ATRX: variants seen among roughly 807,000 people sequenced by gnomAD.
The protein encoded by ATRX is ATRX chromatin remodeler, also known as chromatin remodeler ATRX.
A neutral mutation model predicts 172.6 loss-of-function variants in ATRX; 12 were observed. That is an observed-to-expected ratio of 0.07 (90% confidence interval 0.04 to 0.11). The LOEUF (loss-of-function observed/expected upper bound fraction) is 0.11. Ranked by LOEUF, ATRX falls within the 10% of genes least tolerant of loss-of-function variation. The pLI is 1.00. For missense variants in ATRX, 1,368 were observed against 1,767.4 expected (o/e 0.77, Z 4.05); for synonymous variants, 674 against 594.7 (o/e 1.13, Z -1.94).
At chrX:77,715,006 C>G (rs1304084185) in intron 2 of ATRX, among the ~76,000 whole-genome samples, 1 of 111,777 alleles carries the variant, frequency 8.9e-6, no homozygotes, top group Non-Finnish European at 1.9e-5. Context: ...TATTTTCTTT[C>G]TCATTTCAGA....
At chrX:77,785,638 G>C (rs934344219) in intron 1 of ATRX, among the ~76,000 whole-genome samples, 2 of 95,001 alleles carry the variant, frequency 2.1e-5, no homozygotes, top group Non-Finnish European at 4.1e-5. Flanking sequence ...AAAAATGACC[G>C]GGATACCAAA....
intron 28 of ATRX, among the ~76,000 whole-genome samples, chrX:77,563,923 T>TCTGAAGG (rs1194685990): frequency 2.7e-5 from 3 of 110,383 alleles, no homozygotes; most frequent in Non-Finnish European, 5.7e-5. Flanking sequence ...TCTGTCTGAG[T>TCTGAAGG]CTGAAGGCTG....
intron 30 of ATRX, among the ~76,000 whole-genome samples, chrX:77,556,254 GGA>G (rs1340170768): frequency 4.3e-5 from 2 of 46,305 alleles, no homozygotes; most frequent in African/African-American, 8.8e-5. Context: ...AGGGAGAGAG[GGA>G]GAGAGGGAGA....
rs782449661 is a variant in ATRX at position 77,682,778 on chromosome X, C to G, written c.2478G>C (p.Lys826Asn). The G allele has an allele frequency of 4.1e-6, 5 of 1,208,246 alleles. No homozygotes were observed. The highest frequency in any genetic ancestry group is 5.6e-6 in the Non-Finnish European group (5 of 894,667). The change falls in exon 9 of 35, where the codon AAG (lysine) becomes AAC (asparagine). Residue 826 changes from lysine (K) to asparagine (N), a missense_variant. Physicochemically the swap from Lys to Asn is moderately conservative, Grantham distance 94. This residue lies in a region of ATRX where 843 missense variants were observed against 643.1 expected (regional missense o/e 1.31). Transcript: ENST00000373344. Reference protein sequence around the residue: ...NYDSELEKEIKSMSKIGAART... With the variant: ...NYDSELEKEINSMSKIGAART... Reference sequence around the variant, plus strand: ...TGGCAGCACCAATTTTACTCATGCTCTTTATCTCTTTTTCTAATTCTGAGT... The same window carrying G: ...TGGCAGCACCAATTTTACTCATGCTGTTTATCTCTTTTTCTAATTCTGAGT...
chrX:77,573,085 T>G (rs1459860366), intron 28 of ATRX, among the ~76,000 whole-genome samples: 2 of 112,391 alleles, frequency 1.8e-5, no homozygotes, highest in Non-Finnish European at 3.8e-5. Context: ...TACGTATGCG[T>G]ATGTGCATAT....
intron 2 of ATRX, among the ~76,000 whole-genome samples, chrX:77,713,245 C>G (rs2073202391): frequency 1.8e-5 from 2 of 111,525 alleles, no homozygotes; most frequent in African/African-American, 3.3e-5. Flanking sequence ...AAGGGGAAGT[C>G]TAGAAAGAAG....
chrX:77,538,074 C>T (rs782386965), intron 30 of ATRX, among the ~76,000 whole-genome samples: 2 of 110,315 alleles, frequency 1.8e-5, no homozygotes, highest in East Asian at 5.8e-4. Context: ...GGAAGAATAG[C>T]TAATAGATGC....
chrX:77,709,982 T>G (rs1557159782), intron 2 of ATRX, among the ~76,000 whole-genome samples: 2 of 111,665 alleles, frequency 1.8e-5, no homozygotes, highest in Admixed American at 1.9e-4. Context: ...CCAGATTTGC[T>G]TTAACAAATA....
intron 29 of ATRX, 81 bp from the exon 30 acceptor site, chrX:77,557,726 G>A (rs1169826643): frequency 4.6e-6 from 4 of 866,195 alleles, no homozygotes; most frequent in Non-Finnish European, 6.5e-6. Context: ...TACGGTTACT[G>A]GTTAATATGA....
intron 1 of ATRX, among the ~76,000 whole-genome samples, chrX:77,749,008 A>G (rs2075201878): frequency 9.0e-6 from 1 of 111,492 alleles, no homozygotes; most frequent in Non-Finnish European, 1.9e-5. Flanking sequence ...GATTTCGTAC[A>G]TGCATATATT....
chrX:77,681,659 G>C lies in ATRX; in HGVS notation c.3597C>G (p.Asp1199Glu), dbSNP rs1374906936. The change falls in exon 9 of 35, where the codon GAC becomes GAG. Residue 1199 changes from aspartate (D) to glutamate (E), a missense_variant. Physicochemically the swap from Asp to Glu is conservative, Grantham distance 45. This residue lies in a region of ATRX where 843 missense variants were observed against 643.1 expected (regional missense o/e 1.31). Coordinates refer to ENST00000373344, the MANE Select transcript of ATRX (RefSeq NM_000489.6). ...TATCAGAAGAAGATGAGGATGTAAT[G>C]TCAGCTTGCTTCCTTTTAGTGCTTG... is the stretch of plus-strand genomic sequence containing the variant. ...LRTSTKRKQA[D>E]ITSSSSSDIE... The C allele has an allele frequency of 8.3e-7, 1 of 1,206,756 alleles. No homozygotes were observed. The highest frequency in any genetic ancestry group is 1.1e-6 in the Non-Finnish European group (1 of 894,205).
At chrX:77,724,253 G>C (rs1175165317) in intron 1 of ATRX, among the ~76,000 whole-genome samples, 1 of 108,332 alleles carries the variant, frequency 9.2e-6, no homozygotes, top group African/African-American at 3.4e-5. Context: ...CTCCGGCCTA[G>C]ACAACAGAGC....
At chrX:77,589,051 AAC>A (rs1602676040) in intron 27 of ATRX, among the ~76,000 whole-genome samples, 1 of 112,460 alleles carries the variant, frequency 8.9e-6, no homozygotes, top group African/African-American at 3.2e-5. Context: ...CAGTGTAGAA[AAC>A]AGTTTGGTAT....
chrX:77,698,699 T>C (rs2072329204), intron 2 of ATRX, 70 bp from the exon 3 acceptor site: 5 of 876,574 alleles, frequency 5.7e-6, no homozygotes, highest in Non-Finnish European at 8.4e-6. Flanking sequence ...TCAATACCTA[T>C]AACTCCACAA....
intron 30 of ATRX, among the ~76,000 whole-genome samples, chrX:77,528,938 T>C (rs1029071488): frequency 5.4e-5 from 6 of 112,128 alleles, no homozygotes; most frequent in African/African-American, 9.7e-5. Context: ...CAGGAGCTGA[T>C]AGCAAGAATA....
At chrX:77,712,761 G>A (rs1484274615) in intron 2 of ATRX, among the ~76,000 whole-genome samples, 3 of 110,795 alleles carry the variant, frequency 2.7e-5, no homozygotes, top group East Asian at 2.8e-4. Flanking sequence ...CCCAGGAGGC[G>A]GAGGTTGCAG....
chrX:77,569,819 A>G (rs1445891666), intron 28 of ATRX, among the ~76,000 whole-genome samples: 1 of 112,355 alleles, frequency 8.9e-6, no homozygotes, highest in Non-Finnish European at 1.9e-5. Context: ...CTCTGCTGCT[A>G]AAAGTATTAC....
chrX:77,540,383 C>G (rs781786346), intron 30 of ATRX, among the ~76,000 whole-genome samples: 88 of 111,267 alleles, frequency 7.9e-4, no homozygotes, highest in Non-Finnish European at 1.3e-3. Flanking sequence ...CTTTAACACC[C>G]CACTGTCAAT....
At chrX:77,521,788 T>C in intron 32 of ATRX, 1 of 242,020 alleles carries the variant, frequency 4.1e-6, no homozygotes, top group Non-Finnish European at 7.4e-6. Flanking sequence ...TAAGTCATTA[T>C]TGGTATAATA....
Sources: gnomAD v4.1 joint callset for allele counts (sites outside exome capture counted in the v4.1 genomes callset) on GRCh38, gnomAD v4.1.1 for gene constraint, gnomAD v4.1.1 regional missense constraint, MANE v1.5 for transcripts, NCBI Gene and HGNC (gene_info 2026-07-23, HGNC 2026-07-21) for gene names.